GRIN2D: variants seen among roughly 807,000 people sequenced by gnomAD.
GRIN2D encodes glutamate receptor ionotropic, NMDA 2D.
In GRIN2D, 37 loss-of-function variants were observed where a neutral mutation model predicts 103.2. That is an observed-to-expected ratio of 0.36 (90% CI 0.28 to 0.47). The LOEUF (loss-of-function observed/expected upper bound fraction) is 0.47, where lower values mean the gene tolerates loss of function less well. Ranked by LOEUF, GRIN2D falls within the 20% of genes least tolerant of loss-of-function variation. The pLI is 1.00. For missense variants in GRIN2D, 1,557 were observed against 1,910.6 expected (o/e 0.81, Z 3.45); for synonymous variants, 845 against 885.6 (o/e 0.95, Z 0.81).
intron 11 of GRIN2D, among the ~76,000 whole-genome samples, chr19:48,432,366 C>G (rs1971168398): frequency 6.6e-6 from 1 of 151,724 alleles, no homozygotes; most frequent in South Asian, 2.1e-4. Context: ...TGATCTGTTT[C>G]CGTTGCTGGG....
chr19:48,419,110 G>C (rs1184972998), intron 8 of GRIN2D, 124 bp from the exon 9 acceptor site: 1 of 721,782 alleles, frequency 1.4e-6, no homozygotes, highest in Non-Finnish European at 2.2e-6. Flanking sequence ...AACTCCAGGC[G>C]TCAAGTGATC....
intron 9 of GRIN2D, 73 bp from the exon 10 acceptor site, chr19:48,419,512 T>G: frequency 1.4e-6 from 2 of 1,383,044 alleles, no homozygotes; most frequent in South Asian, 1.2e-5. Context: ...ATTGTAGTTC[T>G]TTCTTTTTTT....
intron 2 of GRIN2D, among the ~76,000 whole-genome samples, chr19:48,396,843 C>A (rs1170837174): frequency 6.6e-6 from 1 of 151,992 alleles, no homozygotes. Flanking sequence ...AGCATGACAG[C>A]CAGGAGAGAA....
intron 11 of GRIN2D, among the ~76,000 whole-genome samples, chr19:48,429,714 A>G (rs535971786): frequency 7.7e-6 from 1 of 129,876 alleles, no homozygotes; most frequent in South Asian, 2.6e-4. Flanking sequence ...TTAATTTTTT[A>G]ATGTGTGTGT....
intron 4 of GRIN2D, among the ~76,000 whole-genome samples, chr19:48,410,714 A>C (rs1433215284): frequency 1.3e-5 from 2 of 151,778 alleles, no homozygotes; most frequent in Non-Finnish European, 2.9e-5. Flanking sequence ...TGGGGAACAG[A>C]CTGGAGTAGA....
In GRIN2D at chr19:48,442,650, C is replaced by CCCG. The variant is rs1165467141; in HGVS notation, c.2733_2735dup (p.Pro912dup). 3.4e-6 allele frequency: 5 copies of CCCG among 1,479,500 alleles called. No homozygotes were observed. The highest frequency in any genetic ancestry group is 4.5e-6 in the Non-Finnish European group (5 of 1,116,142). 91.6% of individuals were successfully genotyped at this position (1,479,500 alleles called of 1,614,324 possible). On this transcript the variant is annotated inframe_insertion, in exon 14 of 14. Coordinates refer to ENST00000263269, the MANE Select transcript of GRIN2D (RefSeq NM_000836.4). This position sits in a 1 kb window ranked among gnomAD's most constrained non-coding sequence, Gnocchi z 7.2. ...AGGCCGCCCCACCGCCCGCCAAGCC[C>CCCG]CCGCCGCCGCCACAGCCCCTGCCCA...
In GRIN2D at chr19:48,414,456, C is replaced by T. The variant is rs1970916940; in HGVS notation, c.1284C>T (p.Asp428=). 6.2e-7 allele frequency: 1 copy of T among 1,607,974 alleles called. No individual in the cohort carries two copies. Among genetic ancestry groups the T allele is most frequent in the Admixed American group, 1.7e-5 (1 of 59,114 alleles). Residue 428 remains aspartate, a synonymous_variant, in exon 6 of 14, where the codon GAC becomes GAT. Coordinates refer to ENST00000263269, the MANE Select transcript of GRIN2D (RefSeq NM_000836.4). This position sits in a 1 kb window ranked among gnomAD's most constrained non-coding sequence, Gnocchi z 4.6. ...RYGRFLQPVD[D]TQHLTVATLE... ...GTCGCTTCCTGCAGCCAGTGGACGA[C>T]ACGCAGCACCTCACGGTGGCCACGC...
intron 4 of GRIN2D, among the ~76,000 whole-genome samples, chr19:48,410,917 G>C (rs1396064490): frequency 2.0e-5 from 3 of 152,104 alleles, no homozygotes; most frequent in African/African-American, 7.2e-5. Flanking sequence ...TGACATGAGA[G>C]ACAGTCAGAG....
At chr19:48,435,256 C>T (rs889092085) in intron 11 of GRIN2D, among the ~76,000 whole-genome samples, 3 of 148,396 alleles carry the variant, frequency 2.0e-5, no homozygotes, top group African/African-American at 7.5e-5. Context: ...TCCTCTGTCT[C>T]TTCACCTTGT....
intron 11 of GRIN2D, among the ~76,000 whole-genome samples, chr19:48,429,163 T>A (rs1344323794): frequency 3.3e-5 from 5 of 152,180 alleles, no homozygotes; most frequent in Non-Finnish European, 7.3e-5. Flanking sequence ...TAATTTTTAG[T>A]TCTATATTTA....
rs146849207 is a variant in GRIN2D at position 48,440,026 on chromosome 19, A to G, written c.2253-1743A>G. ...CAGGAGTTCAAGACCAGCCTGGCCA[A>G]CATGGTGAAACCCCATCTCTACTAA... On this transcript the variant is annotated intron_variant, in intron 11 of 13. Transcript: ENST00000263269. 1.6e-3 allele frequency among the ~76,000 whole-genome samples: 239 copies of G among 152,306 alleles called. 1 individual carries two copies. The highest frequency in any genetic ancestry group is 5.6e-3 in the African/African-American group (231 of 41,582).
At chr19:48,432,206 G>A (rs752463788) in intron 11 of GRIN2D, among the ~76,000 whole-genome samples, 41 of 151,284 alleles carry the variant, frequency 2.7e-4, no homozygotes, top group Non-Finnish European at 5.3e-4. Context: ...CACCGCACCC[G>A]GCCTTCTTTT....
At chr19:48,412,475 AAGAAAGAG>A (rs1202032243) in intron 4 of GRIN2D, among the ~76,000 whole-genome samples, 2 of 140,768 alleles carry the variant, frequency 1.4e-5, no homozygotes, top group African/African-American at 5.3e-5. Flanking sequence ...GAAAGAAAGA[AAGAAAGAG>A]AGAGAAAGAA....
At position 48,405,945 on chromosome 19, in the gene GRIN2D, AAG is replaced by A. The variant is rs1469045505; in HGVS notation, c.1085+597_1085+598del. 6.6e-6 allele frequency among the ~76,000 whole-genome samples: 1 copy of A among 152,160 alleles called. No individual in the cohort carries two copies. The highest frequency in any genetic ancestry group is 2.4e-5 in the African/African-American group (1 of 41,430). ...GAATTGTAGCTCATGAGAAGGGGAA[AAG>A]AGAGGAAGTGGACAGCAAGCACTTT... On this transcript the variant is annotated intron_variant, in intron 4 of 13. Coordinates refer to ENST00000263269, the MANE Select transcript of GRIN2D (RefSeq NM_000836.4). The surrounding 1 kb of genome is among the most constrained non-coding windows in gnomAD (Gnocchi z 5.1).
At chr19:48,431,901 CT>C (rs1971161645) in intron 11 of GRIN2D, among the ~76,000 whole-genome samples, 1 of 126,236 alleles carries the variant, frequency 7.9e-6, no homozygotes, top group Admixed American at 8.0e-5. Flanking sequence ...CCTTTCTTTT[CT>C]TTTATCTTTT....
chr19:48,430,932 GC>G (rs1971148866), intron 11 of GRIN2D, among the ~76,000 whole-genome samples: 1 of 150,118 alleles, frequency 6.7e-6, no homozygotes, highest in South Asian at 2.1e-4. Flanking sequence ...CGATTCTCAT[GC>G]CTCAGCCTCC....
rs552816051 is a variant in GRIN2D at position 48,440,988 on chromosome 19, C to A, written c.2253-781C>A. Among the ~76,000 whole-genome samples the A allele has an allele frequency of 4.6e-5, 7 of 152,292 alleles. No homozygotes were observed. The South Asian group carries it at 8.3e-4, about 18-fold the overall frequency. On this transcript the variant is annotated intron_variant, in intron 11 of 13. Transcript: ENST00000263269. ...ACAGCCATGAGCTACCATGGCCAGT[C>A]TCAATCCTCTTTTTTAAAATGCAAG...
Position 48,443,673 on chromosome 19 carries a change from C to T in GRIN2D, c.3747C>T (p.His1249=). 2 of 1,207,104 alleles carry T rather than the reference C, an allele frequency of 1.7e-6. No homozygotes were observed. The highest frequency in any genetic ancestry group is 2.1e-6 in the Non-Finnish European group (2 of 974,314). 74.8% of individuals were successfully genotyped at this position (1,207,104 alleles called of 1,614,324 possible). The change falls in exon 14 of 14, where the codon CAC becomes CAT. Residue 1249 remains histidine (H), a synonymous_variant. Transcript: ENST00000263269. This position sits in a 1 kb window ranked among gnomAD's most constrained non-coding sequence, Gnocchi z 8.9. ...SHRTPAAAAP[H]HHRHRRAAGG... Reference sequence around the variant, plus strand: ...GCACGCCCGCCGCCGCCGCGCCCCACCACCACAGGCACCGGCGCGCCGCTG... The same window carrying T: ...GCACGCCCGCCGCCGCCGCGCCCCATCACCACAGGCACCGGCGCGCCGCTG...
intron 4 of GRIN2D, 72 bp from the exon 5 acceptor site, chr19:48,413,919 G>T (rs1301417679): frequency 1.1e-5 from 9 of 846,920 alleles, no homozygotes; most frequent in Non-Finnish European, 1.9e-5. Context: ...GCAGAAAGGG[G>T]ACTTTCTCTG....
Sources: allele counts gnomAD v4.1 joint callset (sites outside exome capture counted in the v4.1 genomes callset), GRCh38; gene constraint gnomAD v4.1.1; non-coding constraint Gnocchi (gnomAD v3.1); transcripts MANE v1.5; gene names NCBI Gene and HGNC (gene_info 2026-07-23, HGNC 2026-07-21).